The following BACH2 variants were observed in gnomAD, a reference collection of about 807,000 sequenced individuals.
BACH2 encodes BACH transcriptional regulator 2, also known as transcription regulator protein BACH2.
In BACH2, 5 loss-of-function variants were observed where a neutral mutation model predicts 61.8. The observed-to-expected ratio is 0.08, with a 90% CI of 0.04 to 0.17. BACH2 has a LOEUF of 0.17. BACH2 is among the 10% of genes least tolerant of loss of function. The pLI is 1.00. For synonymous variants in BACH2, 446 were observed against 440.1 expected, an observed-to-expected ratio of 1.01 and a Z score of -0.17; for missense variants, 824 against 1,091.1, an observed-to-expected ratio of 0.76 and a Z score of 3.45.
intron 5 of BACH2, among the ~76,000 whole-genome samples, chr6:90,054,312 A>T (rs1288859187): frequency 6.6e-6 from 1 of 152,216 alleles, no homozygotes; most frequent in Non-Finnish European, 1.5e-5. Flanking sequence ...GCACACCAGG[A>T]GATTATATCC....
In BACH2 at chr6:90,172,653, A is replaced by G. The variant is rs184323196; in HGVS notation, c.-162+33916T>C. On this transcript the variant is annotated intron_variant, in intron 4 of 8. Coordinates refer to ENST00000257749, the MANE Select transcript of BACH2 (RefSeq NM_021813.4). ...ATGTAAGTGTATACCTAGCAAAACT[A>G]CCTTTCATAAATAAAGCATGAATAG... Among the ~76,000 whole-genome samples, 48 of 152,282 alleles carry G rather than the reference A, an allele frequency of 3.2e-4. No homozygotes were observed. The East Asian group carries it at 7.9e-3, about 25-fold the overall frequency.
At position 90,216,059 on chromosome 6, in the gene BACH2, C is replaced by T. The variant is rs559337136; in HGVS notation, c.-274-9378G>A. On this transcript the variant is annotated intron_variant, in intron 3 of 8. Coordinates refer to ENST00000257749, the MANE Select transcript of BACH2 (RefSeq NM_021813.4). ...GACAGCAAGAAATGCAACAAGGGCA[C>T]AACCACCTTAACACATCAGGGAGGT... Among the ~76,000 whole-genome samples the T allele has an allele frequency of 1.6e-4, 24 of 152,302 alleles. 1 individual carries two copies. Among genetic ancestry groups the T allele is most frequent in the Admixed American group, 1.4e-3 (22 of 15,306 alleles).
chr6:90,225,837 G>T (rs1483534490), intron 3 of BACH2, among the ~76,000 whole-genome samples: 1 of 152,184 alleles, frequency 6.6e-6, no homozygotes, highest in African/African-American at 2.4e-5. Flanking sequence ...ACATAGGATA[G>T]TCAGGGTGTG....
chr6:89,952,300 A>G (rs943272000), intron 6 of BACH2, among the ~76,000 whole-genome samples: 1 of 152,194 alleles, frequency 6.6e-6, no homozygotes, highest in African/African-American at 2.4e-5. Context: ...TTTCTTGTCA[A>G]CCACAAAAAT....
chr6:90,242,930 A>T (rs1770500899), intron 3 of BACH2, among the ~76,000 whole-genome samples: 1 of 150,778 alleles, frequency 6.6e-6, no homozygotes, highest in Non-Finnish European at 1.5e-5. Context: ...CCCAGACTGG[A>T]GTGCAATGGC....
intron 7 of BACH2, among the ~76,000 whole-genome samples, chr6:89,942,557 C>T (rs1364609255): frequency 2.0e-5 from 3 of 152,196 alleles, no homozygotes. Context: ...CCTAAAGAGT[C>T]CCAACAGCCA....
intron 5 of BACH2, among the ~76,000 whole-genome samples, chr6:90,058,878 A>T (rs1229106681): frequency 1.3e-5 from 2 of 152,272 alleles, no homozygotes; most frequent in African/African-American, 4.8e-5. Flanking sequence ...TGGGGAAAGG[A>T]TTCCCTATTT....
At chr6:90,048,476 G>A (rs991402705) in intron 5 of BACH2, among the ~76,000 whole-genome samples, 1 of 152,154 alleles carries the variant, frequency 6.6e-6, no homozygotes. Flanking sequence ...CAAAGGAAAG[G>A]TCTTTGGTGT....
At chr6:89,944,349 C>CCTAT (rs1773608387) in intron 7 of BACH2, among the ~76,000 whole-genome samples, 1 of 152,214 alleles carries the variant, frequency 6.6e-6, no homozygotes, top group Admixed American at 6.5e-5. Context: ...GTTTATTAGC[C>CCTAT]CTATCTATCT....
chr6:89,979,180 T>C (rs1775817727), intron 6 of BACH2, among the ~76,000 whole-genome samples: 1 of 152,214 alleles, frequency 6.6e-6, no homozygotes, highest in Non-Finnish European at 1.5e-5. Context: ...AATGATACCA[T>C]GTTTGCTGGC....
intron 7 of BACH2, among the ~76,000 whole-genome samples, chr6:89,940,655 TC>T (rs1434943903): frequency 1.3e-5 from 2 of 152,150 alleles, no homozygotes; most frequent in Non-Finnish European, 2.9e-5. Context: ...AACCTAAACT[TC>T]CTTCAAGCAC....
At position 90,266,480 on chromosome 6, in the gene BACH2, A is replaced by C. The variant is rs529534524; in HGVS notation, c.-353+5369T>G. ...GTGCACATGGGCAATTGTTCACAGC[A>C]GCCAAAAGGTGGAAACAACCCTAAT... On this transcript the variant is annotated intron_variant, in intron 2 of 8. Coordinates refer to ENST00000257749, the MANE Select transcript of BACH2 (RefSeq NM_021813.4). Among the ~76,000 whole-genome samples, 22 of 152,286 alleles carry C rather than the reference A, an allele frequency of 1.4e-4. No individual in the cohort carries two copies. In the South Asian group the frequency reaches 4.6e-3, roughly 32 times the overall value.
chr6:89,995,231 C>T (rs913383153), intron 6 of BACH2, among the ~76,000 whole-genome samples: 3 of 152,028 alleles, frequency 2.0e-5, no homozygotes, highest in East Asian at 1.9e-4. Flanking sequence ...GAATTACCCT[C>T]ACCCTCCCAC....
chr6:90,067,583 G>A lies in BACH2; in HGVS notation c.-13+21378C>T, dbSNP rs114986936. Among the ~76,000 whole-genome samples the A allele has an allele frequency of 9.6e-3, 1,468 of 152,258 alleles. 22 individuals are homozygous for A. Among genetic ancestry groups the A allele is most frequent in the African/African-American group, 0.034 (1,411 of 41,552 alleles). ...GCATGTGAGAGAGGATGCAGAGGAC[G>A]AGCTGGCCACATTGGGAAACAGTGA... On this transcript the variant is annotated intron_variant, in intron 5 of 8. Coordinates refer to ENST00000257749, the MANE Select transcript of BACH2 (RefSeq NM_021813.4).
intron 5 of BACH2, among the ~76,000 whole-genome samples, chr6:90,028,781 C>G (rs1778779278): frequency 6.6e-6 from 1 of 152,206 alleles, no homozygotes; most frequent in South Asian, 2.1e-4. Context: ...TGGTGCCAGC[C>G]TACCTGGCTT....
chr6:90,064,773 T>C (rs1380664206), intron 5 of BACH2, among the ~76,000 whole-genome samples: 2 of 152,216 alleles, frequency 1.3e-5, no homozygotes, highest in Non-Finnish European at 2.9e-5. Context: ...ATGCACTGAA[T>C]TGATGTTTGA....
chr6:90,049,355 T>C (rs1779929692), intron 5 of BACH2, among the ~76,000 whole-genome samples: 1 of 152,186 alleles, frequency 6.6e-6, no homozygotes, highest in South Asian at 2.1e-4. Context: ...AGTCACTGGG[T>C]GACTACGGAT....
At chr6:90,104,201 G>A (rs188599246) in intron 4 of BACH2, among the ~76,000 whole-genome samples, 5 of 152,348 alleles carry the variant, frequency 3.3e-5, no homozygotes, top group African/African-American at 1.2e-4. Flanking sequence ...CAAAAGAGCA[G>A]TTTCTTTGTC....
At chr6:90,290,754 T>C (rs577352132) in intron 1 of BACH2, among the ~76,000 whole-genome samples, 3 of 152,276 alleles carry the variant, frequency 2.0e-5, no homozygotes, top group South Asian at 2.1e-4. Context: ...CTTGAGGAAA[T>C]TCCTGAAGTA....
Sources: gnomAD v4.1 joint callset for allele counts (sites outside exome capture counted in the v4.1 genomes callset) on GRCh38, gnomAD v4.1.1 for gene constraint, MANE v1.5 for transcripts, NCBI Gene and HGNC (gene_info 2026-07-23, HGNC 2026-07-21) for gene names.